The following TOMM7 variants were observed in gnomAD, a reference collection of about 807,000 sequenced individuals.
The protein encoded by TOMM7 is translocase of outer mitochondrial membrane 7.
A neutral mutation model predicts 9.5 loss-of-function variants in TOMM7; 8 were observed. That is an observed-to-expected ratio of 0.84 (90% CI 0.49 to 1.51). The LOEUF (loss-of-function observed/expected upper bound fraction) is 1.51, where lower values mean the gene tolerates loss of function less well. TOMM7 is among the 40% of genes most tolerant of loss of function. The pLI is 0.00. For missense variants in TOMM7, 74 were observed against 63.7 expected, an observed-to-expected ratio of 1.16 and a Z score of -0.55; for synonymous variants, 27 against 21.4, an observed-to-expected ratio of 1.26 and a Z score of -0.72.
In TOMM7 at chr7:22,822,145, T is replaced by C. The variant is rs111325330; in HGVS notation, c.103+532A>G. 41 of 1,550,056 alleles carry C rather than the reference T, an allele frequency of 2.6e-5. No individual in the cohort carries two copies. In the African/African-American group the frequency reaches 4.1e-4, roughly 16 times the overall value. ...TGGCAAAAAAGTTTCTCTACGGCTG[T>C]TTCCTCACCTGTAAAATGGGGGCAG... On this transcript the variant is annotated intron_variant, in intron 1 of 2. Coordinates refer to ENST00000358435, the MANE Select transcript of TOMM7 (RefSeq NM_019059.5).
intron 1 of TOMM7, chr7:22,822,294 G>C (rs1782404254): frequency 1.3e-6 from 2 of 1,546,360 alleles, no homozygotes; most frequent in Non-Finnish European, 1.7e-6. Flanking sequence ...CCCTGAACAG[G>C]ACTCTTTCCA....
In TOMM7 at chr7:22,813,117, A is replaced by G. The variant is rs752742258; in HGVS notation, c.*53T>C. 8 of 1,603,038 alleles carry G rather than the reference A, an allele frequency of 5.0e-6. No individual in the cohort carries two copies. In the Admixed American group the frequency reaches 8.3e-5, roughly 17 times the overall value. ...ATCTCTTATCCGAGCCAGAGCACAC[A>G]TCTTCCATGCTGTCCGCTGATTGCC... On this transcript the variant is annotated 3_prime_UTR_variant, in exon 3 of 3. Coordinates refer to ENST00000358435, the MANE Select transcript of TOMM7 (RefSeq NM_019059.5).
intron 2 of TOMM7, 87 bp from the exon 3 acceptor site, chr7:22,813,272 A>G (rs1782272036): frequency 2.4e-6 from 3 of 1,227,200 alleles, no homozygotes; most frequent in Non-Finnish European, 3.5e-6. Context: ...AATTTTATAC[A>G]TTTATGTTTG....
rs144665947 is a variant in TOMM7 at position 22,818,014 on chromosome 7, T to G, written c.138A>C (p.Glu46Asp). The part of the protein sequence containing the change: ...FKRGADPGMP[E>D]PTVLSLLWG ...AAGAGCAGTACCTCAAAACAGTTGG[T>G]TCAGGCATTCCGGGATCTGCACCCC... The change falls in exon 2 of 3, where the codon GAA becomes GAC. Residue 46 changes from glutamate to aspartate, a missense_variant. Physicochemically the swap from Glu to Asp is conservative, Grantham distance 45 (BLOSUM62 2). Transcript: ENST00000358435. 6.0e-4 allele frequency: 968 copies of G among 1,613,810 alleles called. No homozygotes were observed. Among genetic ancestry groups the G allele is most frequent in the Non-Finnish European group, 7.6e-4 (898 of 1,179,952 alleles).
chr7:22,818,242 G>A (rs1326532367), intron 1 of TOMM7, 194 bp from the exon 2 acceptor site: 1 of 527,524 alleles, frequency 1.9e-6, no homozygotes, highest in African/African-American at 1.9e-5. Flanking sequence ...ATTATGTCCA[G>A]GACTAATCAG....
intron 2 of TOMM7, 91 bp downstream of exon 2, chr7:22,817,909 A>C: frequency 7.8e-7 from 1 of 1,277,106 alleles, no homozygotes; most frequent in Non-Finnish European, 1.1e-6. Context: ...GCTCCATTTC[A>C]AGGCCTGCCA....
intron 1 of TOMM7, among the ~76,000 whole-genome samples, chr7:22,819,406 T>G (rs540018783): frequency 6.6e-6 from 1 of 151,770 alleles, no homozygotes; most frequent in Non-Finnish European, 1.5e-5. Flanking sequence ...TCTCGCTCTG[T>G]CGCCAGGCTG....
chr7:22,813,463 A>T (rs1259513499), intron 2 of TOMM7, among the ~76,000 whole-genome samples: 1 of 152,218 alleles, frequency 6.6e-6, no homozygotes, highest in African/African-American at 2.4e-5. Context: ...ACGATTACTG[A>T]TTTCCATTAA....
intron 1 of TOMM7, among the ~76,000 whole-genome samples, chr7:22,820,034 G>A (rs1782366809): frequency 3.3e-5 from 5 of 152,244 alleles, no homozygotes; most frequent in African/African-American, 9.6e-5. Context: ...TGAGGTGGAG[G>A]AAGTAAAAGA....
Position 22,813,259 on chromosome 7 carries a change from GA to G in TOMM7, c.153-75del, listed in dbSNP as rs1441823924. ...TCTTCTAGACATAACCTAAGACCTA[GA>G]AAATTTTATACATTTATGTTTGTTT... On this transcript the variant is annotated intron_variant, in intron 2 of 2. Transcript: ENST00000358435. The G allele has an allele frequency of 1.8e-5, 24 of 1,364,218 alleles. No individual in the cohort carries two copies. In the African/African-American group the frequency reaches 2.8e-4, roughly 16 times the overall value. The allele number at this position is 1,364,218 out of a possible 1,614,324, so 84.5% of individuals were successfully genotyped here.
chr7:22,821,208 G>GT (rs1289157087), intron 1 of TOMM7, among the ~76,000 whole-genome samples: 1 of 151,890 alleles, frequency 6.6e-6, no homozygotes, highest in Admixed American at 6.6e-5. Context: ...TCAGGAGATC[G>GT]AGACCATCCT....
chr7:22,813,286 C>G, intron 2 of TOMM7, 101 bp from the exon 3 acceptor site: 1 of 1,016,198 alleles, frequency 9.8e-7, no homozygotes, highest in East Asian at 2.4e-5. Flanking sequence ...ATGTTTGTTT[C>G]CTCATCTATC....
intron 1 of TOMM7, among the ~76,000 whole-genome samples, chr7:22,821,522 T>G (rs10224533): frequency 0.23 from 34,352 of 150,312 alleles, 4,302 homozygotes; most frequent in Middle Eastern, 0.34. Flanking sequence ...GGAGGGGAGG[T>G]AGCTAACTTG....
chr7:22,822,291 C>G (rs1421866872), intron 1 of TOMM7: 1 of 1,547,056 alleles, frequency 6.5e-7, no homozygotes, highest in South Asian at 1.2e-5. Context: ...ATTCCCTGAA[C>G]AGGACTCTTT....
rs774874509 is a variant in TOMM7, at chr7:22,813,074, G to A, written c.*96C>T. 7.7e-7 allele frequency: 1 copy of A among 1,297,694 alleles called. No individual in the cohort carries two copies. The highest frequency in any genetic ancestry group is 1.1e-6 in the Non-Finnish European group (1 of 893,148). The allele number at this position is 1,297,694 out of a possible 1,614,324, so 80.4% of individuals were successfully genotyped here. On this transcript the variant is annotated 3_prime_UTR_variant, in exon 3 of 3. Transcript: ENST00000358435. Reference sequence around the variant, plus strand: ...TGAAGAGCCTTGTGCCATCCAACTAGTGACTGAATGATGTCCCATCTCTTA... The same window carrying A: ...TGAAGAGCCTTGTGCCATCCAACTAATGACTGAATGATGTCCCATCTCTTA...
intron 1 of TOMM7, among the ~76,000 whole-genome samples, chr7:22,820,679 C>T (rs1782375578): frequency 6.6e-6 from 1 of 152,144 alleles, no homozygotes; most frequent in Non-Finnish European, 1.5e-5. Context: ...GTAGGCCCTT[C>T]TATCAGTAAG....
intron 1 of TOMM7, chr7:22,822,170 G>A (rs1456142587): frequency 3.2e-6 from 5 of 1,550,676 alleles, no homozygotes; most frequent in Non-Finnish European, 4.4e-6. Flanking sequence ...AATGGGGGCA[G>A]TAATAGAAAT....
chr7:22,813,013 G>A lies in TOMM7; in HGVS notation c.*157C>T. The A allele has an allele frequency of 1.4e-6, 1 of 712,460 alleles. No individual in the cohort carries two copies. 44.1% of individuals were successfully genotyped at this position (712,460 alleles called of 1,614,324 possible). On this transcript the variant is annotated 3_prime_UTR_variant, in exon 3 of 3. Coordinates refer to ENST00000358435, the MANE Select transcript of TOMM7 (RefSeq NM_019059.5). ...TTTATTCTGATACATTCTATCATAA[G>A]TTAGTACAAGTTCCACTCTGCTACA...
chr7:22,819,406 T>A (rs540018783), intron 1 of TOMM7, among the ~76,000 whole-genome samples: 1 of 151,770 alleles, frequency 6.6e-6, no homozygotes, highest in African/African-American at 2.4e-5. Flanking sequence ...TCTCGCTCTG[T>A]CGCCAGGCTG....
Sources: gnomAD v4.1 joint callset for allele counts (sites outside exome capture counted in the v4.1 genomes callset) on GRCh38, gnomAD v4.1.1 for gene constraint, MANE v1.5 for transcripts, NCBI Gene and HGNC (gene_info 2026-07-23, HGNC 2026-07-21) for gene names.